Variants in SUPT16H observed in about 807,000 individuals in gnomAD.
SUPT16H encodes SPT16 homolog, facilitates chromatin remodeling subunit.
SUPT16H carries 24 observed loss-of-function variants against 136.2 expected under a neutral mutation model. The ratio of observed to expected loss-of-function variants is 0.18; its 90% CI spans 0.13 to 0.25. The LOEUF is 0.25. Ranked by LOEUF, SUPT16H falls within the 10% of genes least tolerant of loss-of-function variation. The pLI is 1.00. For synonymous variants in SUPT16H, 415 were observed against 428.2 expected (o/e 0.97, Z 0.38); for missense variants, 623 against 1,270.2 (o/e 0.49, Z 7.74).
chr14:21,374,372 T>C (rs184291290), intron 1 of SUPT16H, among the ~76,000 whole-genome samples: 8 of 152,256 alleles, frequency 5.3e-5, no homozygotes, highest in African/African-American at 1.7e-4. Context: ...AAAAGTTTTA[T>C]TGAGACAGAA....
chr14:21,363,203 G>C (rs1886593732), intron 12 of SUPT16H, 30 bp downstream of exon 12: 2 of 1,614,000 alleles, frequency 1.2e-6, no homozygotes. Flanking sequence ...TGACAGCCGA[G>C]ATCAATGTAA....
intron 22 of SUPT16H, among the ~76,000 whole-genome samples, chr14:21,355,905 C>A (rs1400832584): frequency 6.6e-6 from 1 of 152,156 alleles, no homozygotes; most frequent in African/African-American, 2.4e-5. Context: ...ATTTACTTTC[C>A]CACCTTAAAC....
At chr14:21,374,295 GTT>G (rs1886852769) in intron 1 of SUPT16H, among the ~76,000 whole-genome samples, 2 of 152,260 alleles carry the variant, frequency 1.3e-5, no homozygotes, top group Admixed American at 1.3e-4. Flanking sequence ...GTCCTTGTAG[GTT>G]TTGTCAACCT....
intron 4 of SUPT16H, 21 bp downstream of exon 4, chr14:21,370,315 T>G (rs766199161): frequency 6.2e-7 from 1 of 1,606,030 alleles, no homozygotes; most frequent in Non-Finnish European, 8.5e-7. Context: ...CTTGATTTGC[T>G]ATTTCCAGTA....
At chr14:21,354,650 G>A (rs1886389287) in intron 22 of SUPT16H, 110 bp from the exon 23 acceptor site, 1 of 1,384,756 alleles carries the variant, frequency 7.2e-7, no homozygotes, top group East Asian at 2.6e-5. Context: ...GGAGTGCAGT[G>A]GCACAATCTT....
intron 22 of SUPT16H, among the ~76,000 whole-genome samples, chr14:21,356,161 C>T (rs1360010844): frequency 1.3e-5 from 2 of 152,086 alleles, no homozygotes; most frequent in Admixed American, 1.3e-4. Context: ...GAGAAGAGTA[C>T]AGGAAGGAAG....
Position 21,363,520 on chromosome 14 carries a change from A to C in SUPT16H, c.1234-17T>G, listed in dbSNP as rs1175925740. On this transcript the variant is annotated splice_polypyrimidine_tract_variant and intron_variant, in intron 10 of 25. Coordinates refer to ENST00000216297, the MANE Select transcript of SUPT16H (RefSeq NM_007192.4). ...TGGGCCATCCTAGAATTAAAAGGAG[A>C]ATGAAGACACATTATTTAAAAGAGG... 8 of 1,607,956 alleles carry C rather than the reference A, an allele frequency of 5.0e-6. No individual in the cohort carries two copies. The highest frequency in any genetic ancestry group is 6.8e-6 in the Non-Finnish European group (8 of 1,177,806).
At chr14:21,375,730 A>C (rs1193558108) in intron 1 of SUPT16H, among the ~76,000 whole-genome samples, 1 of 151,958 alleles carries the variant, frequency 6.6e-6, no homozygotes. Flanking sequence ...AGTAGTTGGG[A>C]CTCCAGGCAA....
chr14:21,370,522 G>A (rs1246775980), intron 3 of SUPT16H, 34 bp from the exon 4 acceptor site: 1 of 1,607,746 alleles, frequency 6.2e-7, no homozygotes, highest in East Asian at 2.2e-5. Flanking sequence ...AGACACATAT[G>A]TTTTACCAGT....
Position 21,354,471 on chromosome 14 carries a change from A to G in SUPT16H, c.2730T>C (p.Val910=). 1.2e-6 allele frequency: 2 copies of G among 1,614,202 alleles called. No homozygotes were observed. Among genetic ancestry groups the G allele is most frequent in the South Asian group, 2.2e-5 (2 of 91,086 alleles). Residue 910 remains valine, a synonymous_variant, in exon 23 of 26, where the codon GTT becomes GTC. Coordinates refer to ENST00000216297, the MANE Select transcript of SUPT16H (RefSeq NM_007192.4). ...LNWTKIMKTI[V]DDPEGFFEQG... ...GTTCGAAGAAGCCCTCAGGGTCATC[A>G]ACAATGGTCTTCATGATTTTAGTCC...
intron 22 of SUPT16H, 77 bp downstream of exon 22, chr14:21,357,120 T>C: frequency 1.5e-6 from 2 of 1,377,014 alleles, no homozygotes; most frequent in Non-Finnish European, 1.9e-6. Context: ...GTAGATTTTA[T>C]GCACAACATA....
At chr14:21,369,967 T>C in intron 4 of SUPT16H, 71 bp from the exon 5 acceptor site, 1 of 1,540,350 alleles carries the variant, frequency 6.5e-7, no homozygotes, top group Non-Finnish European at 8.9e-7. Flanking sequence ...CTCTCCAATT[T>C]GAATATTACC....
chr14:21,383,695 G>T, intron 1 of SUPT16H, 167 bp downstream of exon 1: 1 of 759,334 alleles, frequency 1.3e-6, no homozygotes, highest in Non-Finnish European at 2.3e-6. Context: ...CCCTGTTAAG[G>T]GGCAGCGTTC....
rs1037385277 is a variant in SUPT16H at position 21,352,267 on chromosome 14, G to C, written c.*406C>G. On this transcript the variant is annotated 3_prime_UTR_variant, in exon 26 of 26. Coordinates refer to ENST00000216297, the MANE Select transcript of SUPT16H (RefSeq NM_007192.4). ...TGGCAGTAGGGTAGGTTGGAGGATT[G>C]AATGTGCTGGTCAAGAACCATGATA... 1.0e-5 allele frequency: 2 copies of C among 195,274 alleles called. No individual in the cohort carries two copies. Among genetic ancestry groups the C allele is most frequent in the Admixed American group, 5.2e-5 (1 of 19,082 alleles). The allele number at this position is 195,274 out of a possible 1,614,324, so 12.1% of individuals were successfully genotyped here. A position where few individuals can be genotyped will look rare whatever the true frequency, so the allele number is the denominator to read the frequency against.
Position 21,372,232 on chromosome 14 carries a change from C to T in SUPT16H, c.160-188G>A, listed in dbSNP as rs114451294. ...GCCAAGAGTCGACAATTTATTAGAA[C>T]AGGACAATGGGGTTCAATGTATTAT... On this transcript the variant is annotated intron_variant, in intron 2 of 25. Transcript: ENST00000216297. 5.5e-3 allele frequency: 3,220 copies of T among 583,456 alleles called. 82 individuals are homozygous for T. The African/African-American group carries it at 0.056, about 10-fold the overall frequency. The allele number at this position is 583,456 out of a possible 1,614,324, so 36.1% of individuals were successfully genotyped here. A position where few individuals can be genotyped will look rare whatever the true frequency, so the allele number is the denominator to read the frequency against.
intron 10 of SUPT16H, among the ~76,000 whole-genome samples, chr14:21,363,827 C>T (rs1886609160): frequency 6.6e-6 from 1 of 152,098 alleles, no homozygotes; most frequent in African/African-American, 2.4e-5. Flanking sequence ...TACAGACGCG[C>T]ACCACCACAC....
intron 1 of SUPT16H, among the ~76,000 whole-genome samples, chr14:21,381,166 C>T (rs867605487): frequency 3.3e-5 from 5 of 152,114 alleles, no homozygotes; most frequent in South Asian, 2.1e-4. Context: ...ACTCCATTTT[C>T]CCATCTCTAA....
intron 6 of SUPT16H, 105 bp downstream of exon 6, chr14:21,369,099 C>T (rs1264979946): frequency 4.5e-6 from 6 of 1,347,480 alleles, no homozygotes; most frequent in African/African-American, 1.5e-5. Context: ...ACATTATATA[C>T]TTGTAGCCAA....
intron 17 of SUPT16H, 95 bp downstream of exon 17, chr14:21,360,751 C>T: frequency 4.6e-6 from 7 of 1,520,608 alleles, no homozygotes; most frequent in African/African-American, 1.4e-5. Flanking sequence ...AGCTAACCGG[C>T]GGATGGCTCT....
Sources: gnomAD v4.1 joint callset for allele counts (sites outside exome capture counted in the v4.1 genomes callset) on GRCh38, gnomAD v4.1.1 for gene constraint, MANE v1.5 for transcripts, NCBI Gene and HGNC (gene_info 2026-07-23, HGNC 2026-07-21) for gene names.